Variants in PCA3 observed in about 807,000 individuals in gnomAD.
PCA3 encodes the protein prostate cancer associated 3.
chr9:76,773,408 C>T (rs7037532), intron 2 of PCA3, among the ~76,000 whole-genome samples: 81,636 of 150,508 alleles, frequency 0.54, 23,791 homozygotes, highest in African/African-American at 0.76. Flanking sequence ...ACATTCATCC[C>T]GCAGTCACAT....
At chr9:76,784,124 GAGA>G (rs1417655946) in intron 2 of PCA3, 1 of 152,234 alleles carries the variant, frequency 6.6e-6, no homozygotes, top group Non-Finnish European at 1.5e-5. Context: ...AGATCCCTGG[GAGA>G]AATGCCCGGC....
At chr9:76,781,626 C>T (rs1404858933) in intron 2 of PCA3, among the ~76,000 whole-genome samples, 1 of 152,182 alleles carries the variant, frequency 6.6e-6, no homozygotes, top group Non-Finnish European at 1.5e-5. Context: ...CTTCATAGCA[C>T]TTAAATTAGT....
intron 2 of PCA3, among the ~76,000 whole-genome samples, chr9:76,774,408 G>T (rs2053459584): frequency 6.8e-6 from 1 of 147,800 alleles, no homozygotes; most frequent in Non-Finnish European, 1.5e-5. Context: ...AAAGTGTTGG[G>T]ATTAGAGGCA....
chr9:76,787,273 T>G (rs1354078867), intron 2 of PCA3: 1 of 151,748 alleles, frequency 6.6e-6, no homozygotes, highest in Non-Finnish European at 1.5e-5. Context: ...TCTTTATTAT[T>G]ATTATTTTCT....
chr9:76,768,577 ATATGTATGTGTGTGTG>A (rs1213616937), intron 2 of PCA3, among the ~76,000 whole-genome samples: 2 of 98,072 alleles, frequency 2.0e-5, no homozygotes, highest in Non-Finnish European at 2.4e-5. Context: ...ATATATATGT[ATATGTATGTGTGTGTG>A]TGTGTGTGTG....
chr9:76,765,927 A>G (rs1451023906), intron 2 of PCA3, among the ~76,000 whole-genome samples: 1 of 152,148 alleles, frequency 6.6e-6, no homozygotes, highest in Non-Finnish European at 1.5e-5. Context: ...TCACGCCTAT[A>G]ATCCCAGTAC....
intron 2 of PCA3, among the ~76,000 whole-genome samples, chr9:76,776,518 C>CTTTTTTTT (rs796197139): frequency 2.7e-4 from 33 of 122,830 alleles, no homozygotes; most frequent in Non-Finnish European, 3.3e-4. Flanking sequence ...TTTCTTTTTT[C>CTTTTTTTT]TTTTTTTTTT....
chr9:76,776,637 C>T lies in PCA3; in HGVS notation n.853-31946C>T, dbSNP rs866467016. Among the ~76,000 whole-genome samples the T allele has an allele frequency of 1.1e-3, 171 of 149,758 alleles. 1 individual carries two copies. Among genetic ancestry groups the T allele is most frequent in the African/African-American group, 4.0e-3 (161 of 40,606 alleles). Reference sequence around the variant, plus strand: ...TCAAGCAATTCTCCTGCCTCAGCCTCCTAAGTAGCTAGGATTACAGGTGCC... The same window carrying T: ...TCAAGCAATTCTCCTGCCTCAGCCTTCTAAGTAGCTAGGATTACAGGTGCC... On this transcript the variant is annotated intron_variant and non_coding_transcript_variant, in intron 2 of 5. Coordinates refer to ENST00000644657, the Ensembl canonical transcript of PCA3.
At chr9:76,776,979 A>T (rs2053871113) in intron 2 of PCA3, among the ~76,000 whole-genome samples, 1 of 149,882 alleles carries the variant, frequency 6.7e-6, no homozygotes, top group Admixed American at 6.7e-5. Context: ...CTCAGCGGAG[A>T]TTCTCGGCAC....
chr9:76,768,761 A>G (rs180756815), intron 2 of PCA3, among the ~76,000 whole-genome samples: 2 of 152,248 alleles, frequency 1.3e-5, no homozygotes, highest in East Asian at 3.9e-4. Context: ...CCACCCAAGT[A>G]ATTGGAATCT....
chr9:76,765,463 A>G (rs891193803), intron 2 of PCA3, among the ~76,000 whole-genome samples: 8 of 152,264 alleles, frequency 5.3e-5, no homozygotes, highest in African/African-American at 1.9e-4. Flanking sequence ...CCTGGATTCA[A>G]CTGAGGTAAG....
intron 2 of PCA3, among the ~76,000 whole-genome samples, chr9:76,780,263 G>T (rs545690827): frequency 6.6e-6 from 1 of 152,004 alleles, no homozygotes; most frequent in Non-Finnish European, 1.5e-5. Flanking sequence ...AAGCAGCTGC[G>T]CACTCCCCCA....
intron 2 of PCA3, among the ~76,000 whole-genome samples, chr9:76,767,961 T>C (rs980908450): frequency 1.3e-5 from 2 of 152,206 alleles, no homozygotes; most frequent in Non-Finnish European, 2.9e-5. Flanking sequence ...TAATTGTACA[T>C]TCACATCTCT....
At chr9:76,772,089 A>T (rs549906070) in intron 2 of PCA3, among the ~76,000 whole-genome samples, 2 of 152,310 alleles carry the variant, frequency 1.3e-5, no homozygotes, top group East Asian at 3.9e-4. Flanking sequence ...CCTGGCTTTA[A>T]ACCAAGGTGT....
chr9:76,770,890 T>C (rs921600797), intron 2 of PCA3, among the ~76,000 whole-genome samples: 3 of 151,970 alleles, frequency 2.0e-5, no homozygotes, highest in Non-Finnish European at 4.4e-5. Flanking sequence ...CGAAAGTAAA[T>C]TTGTGAAGGA....
chr9:76,772,098 G>C lies in PCA3; in HGVS notation n.852+35483G>C, dbSNP rs968054642. ...TCCACTCCTGGCTTTAAACCAAGGTGTCAGCTGGGAAAGCCACCCTTCCGC... is the reference window on the plus strand; with the variant it reads ...TCCACTCCTGGCTTTAAACCAAGGTCTCAGCTGGGAAAGCCACCCTTCCGC... On this transcript the variant is annotated intron_variant and non_coding_transcript_variant, in intron 2 of 5. Coordinates refer to ENST00000644657, the Ensembl canonical transcript of PCA3. Among the ~76,000 whole-genome samples, 4 of 152,282 alleles carry C rather than the reference G, an allele frequency of 2.6e-5. No homozygotes were observed. In the South Asian group the frequency reaches 8.3e-4, roughly 32 times the overall value.
chr9:76,769,199 C>A (rs941759115), intron 2 of PCA3, among the ~76,000 whole-genome samples: 1 of 152,216 alleles, frequency 6.6e-6, no homozygotes, highest in Non-Finnish European at 1.5e-5. Flanking sequence ...CTCTTCAGAT[C>A]GTATAAATCT....
At chr9:76,766,340 A>G (rs1360984131) in intron 2 of PCA3, among the ~76,000 whole-genome samples, 1 of 152,112 alleles carries the variant, frequency 6.6e-6, no homozygotes, top group African/African-American at 2.4e-5. Flanking sequence ...TAATGACAGC[A>G]TTGAGTGGGT....
chr9:76,767,983 T>C (rs918296306), intron 2 of PCA3, among the ~76,000 whole-genome samples: 2 of 152,192 alleles, frequency 1.3e-5, no homozygotes, highest in Non-Finnish European at 2.9e-5. Context: ...TGATCTTCCC[T>C]GTTCTTTCTT....
Sources: allele counts gnomAD v4.1 joint callset (sites outside exome capture counted in the v4.1 genomes callset), GRCh38; gene constraint gnomAD v4.1.1; transcripts MANE v1.5; gene names NCBI Gene and HGNC (gene_info 2026-07-23, HGNC 2026-07-21).